The following WDR25 variants were observed in gnomAD, a reference collection of about 807,000 sequenced individuals.
The protein encoded by WDR25 is WD repeat-containing protein 25.
In WDR25, 35 loss-of-function variants were observed where a neutral mutation model predicts 47.7. The ratio of observed to expected loss-of-function variants is 0.73; its 90% CI spans 0.56 to 0.97. The LOEUF is 0.97. Among genes scored for constraint, WDR25 ranks in the 50% least tolerant of loss-of-function variants. The pLI, the probability that WDR25 is intolerant of heterozygous loss-of-function variation, is 0.00. For synonymous variants in WDR25, 248 were observed against 278.9 expected (o/e 0.89, Z 1.10); for missense variants, 634 against 704.7 (o/e 0.90, Z 1.14).
Position 100,404,717 on chromosome 14 carries a change from C to T in WDR25, c.822+22971C>T, listed in dbSNP as rs1264830133. 6.6e-6 allele frequency among the ~76,000 whole-genome samples: 1 copy of T among 152,132 alleles called. No individual in the cohort carries two copies. The highest frequency in any genetic ancestry group is 1.5e-5 in the Non-Finnish European group (1 of 68,002). The stretch of plus-strand genomic sequence containing the variant: ...TGCTGACTGGGAGATGCTGACCTGA[C>T]TCTGTTTCTCTAGGGCCATGATCCT... On this transcript the variant is annotated intron_variant, in intron 2 of 6. Transcript: ENST00000402312. This position sits in a 1 kb window ranked among gnomAD's most constrained non-coding sequence, Gnocchi z 4.6.
chr14:100,403,448 G>A (rs1897440343), intron 2 of WDR25, among the ~76,000 whole-genome samples: 1 of 152,254 alleles, frequency 6.6e-6, no homozygotes, highest in Non-Finnish European at 1.5e-5. Flanking sequence ...GGGCAGATTT[G>A]TGTTTGAGCC....
chr14:100,479,862 G>A (rs1243304664), intron 3 of WDR25, among the ~76,000 whole-genome samples: 2 of 152,060 alleles, frequency 1.3e-5, no homozygotes, highest in East Asian at 1.9e-4. Context: ...TCATACGAAC[G>A]GAGCCCTATT....
rs1900843475 is a variant in WDR25 at position 100,499,497 on chromosome 14, A to G, written c.1101+15373A>G. On this transcript the variant is annotated intron_variant, in intron 4 of 6. Coordinates refer to ENST00000402312, the MANE Select transcript of WDR25 (RefSeq NM_001161476.3). This position sits in a 1 kb window ranked among gnomAD's most constrained non-coding sequence, Gnocchi z 4.4. ...CGGAAACCACTGCCTGCTTCCTTCC[A>G]GAAGTGGAAGTGCCAGCTAACCCTG... 6.6e-6 allele frequency among the ~76,000 whole-genome samples: 1 copy of G among 152,228 alleles called. No homozygotes were observed. Among genetic ancestry groups the G allele is most frequent in the East Asian group, 1.9e-4 (1 of 5,202 alleles).
intron 2 of WDR25, among the ~76,000 whole-genome samples, chr14:100,408,523 G>GC (rs1207867734): frequency 6.6e-6 from 1 of 151,408 alleles, no homozygotes; most frequent in African/African-American, 2.4e-5. Context: ...CCCCCTCTGT[G>GC]CCCCCCTCCA....
intron 4 of WDR25, among the ~76,000 whole-genome samples, chr14:100,514,391 A>T (rs1901422581): frequency 6.6e-6 from 1 of 151,714 alleles, no homozygotes; most frequent in Non-Finnish European, 1.5e-5. Context: ...ATGATTATTG[A>T]TATGGTTGGG....
chr14:100,482,819 C>T lies in WDR25; in HGVS notation c.971-1175C>T, dbSNP rs144229536. Among the ~76,000 whole-genome samples, 321 of 152,324 alleles carry T rather than the reference C, an allele frequency of 2.1e-3. 4 individuals carry two copies. The highest frequency in any genetic ancestry group is 7.0e-3 in the African/African-American group (291 of 41,568). On this transcript the variant is annotated intron_variant, in intron 3 of 6. Coordinates refer to ENST00000402312, the MANE Select transcript of WDR25 (RefSeq NM_001161476.3). ...ACCTCGGTGTCTTCATGGTCTTCTT[C>T]GCCACCAGCTTCCCGTGTCCCTAAG...
At chr14:100,456,506 T>C (rs548419524) in intron 2 of WDR25, among the ~76,000 whole-genome samples, 1 of 152,234 alleles carries the variant, frequency 6.6e-6, no homozygotes, top group South Asian at 2.1e-4. Flanking sequence ...ATTACATATG[T>C]GCAAAAAGGT....
At chr14:100,426,710 C>T (rs1408637886) in intron 2 of WDR25, among the ~76,000 whole-genome samples, 1 of 152,176 alleles carries the variant, frequency 6.6e-6, no homozygotes, top group African/African-American at 2.4e-5. Context: ...ATCCATCTTT[C>T]CCATGGAAGA....
intron 2 of WDR25, among the ~76,000 whole-genome samples, chr14:100,383,128 T>C (rs2140140292): frequency 6.6e-6 from 1 of 152,354 alleles, no homozygotes; most frequent in African/African-American, 2.4e-5. Context: ...GGTGGCATTT[T>C]TAAGTGGCGA....
intron 2 of WDR25, among the ~76,000 whole-genome samples, chr14:100,413,293 T>A (rs1897763688): frequency 6.6e-6 from 1 of 152,212 alleles, no homozygotes; most frequent in South Asian, 2.1e-4. Context: ...TGACCCACAG[T>A]GTTCTGGGTA....
At chr14:100,526,417 C>T (rs553072154) in intron 5 of WDR25, among the ~76,000 whole-genome samples, 20 of 152,184 alleles carry the variant, frequency 1.3e-4, no homozygotes, top group South Asian at 1.0e-3. Context: ...TGATGTAGCC[C>T]AGGAGTTCAG....
rs149483006 is a variant in WDR25, at chr14:100,488,823, C to T, written c.1101+4699C>T. ...CATCTGTGACCTATCTCAGGGACAACGATCACTCTTGATCTGTGGGCACTT... is the reference window on the plus strand; with the variant it reads ...CATCTGTGACCTATCTCAGGGACAATGATCACTCTTGATCTGTGGGCACTT... On this transcript the variant is annotated intron_variant, in intron 4 of 6. Transcript: ENST00000402312. The surrounding 1 kb of genome is among the most constrained non-coding windows in gnomAD (Gnocchi z 4.2). 2.4e-3 allele frequency among the ~76,000 whole-genome samples: 362 copies of T among 152,330 alleles called. No individual in the cohort carries two copies. The highest frequency in any genetic ancestry group is 7.9e-3 in the African/African-American group (327 of 41,576).
chr14:100,460,565 T>C (rs763281106), intron 2 of WDR25, among the ~76,000 whole-genome samples: 1 of 152,176 alleles, frequency 6.6e-6, no homozygotes, highest in Non-Finnish European at 1.5e-5. Flanking sequence ...ATAATGTTAA[T>C]GACTAATTAT....
chr14:100,377,603 C>CG (rs1896744185), intron 1 of WDR25, among the ~76,000 whole-genome samples: 1 of 152,096 alleles, frequency 6.6e-6, no homozygotes, highest in Admixed American at 6.5e-5. Context: ...AGCCACCGCG[C>CG]CCGGTCGTTT....
intron 4 of WDR25, among the ~76,000 whole-genome samples, chr14:100,495,728 T>C (rs1900709154): frequency 6.6e-6 from 1 of 152,252 alleles, no homozygotes; most frequent in South Asian, 2.1e-4. Context: ...TTCCAGTTTG[T>C]TCAGCTTTTT....
chr14:100,384,428 C>T (rs921010989), intron 2 of WDR25, among the ~76,000 whole-genome samples: 1 of 152,088 alleles, frequency 6.6e-6, no homozygotes, highest in African/African-American at 2.4e-5. Context: ...TGGGAACCGG[C>T]GGGGAGCCAG....
Position 100,381,428 on chromosome 14 carries a change from A to T in WDR25, c.504A>T (p.Lys168Asn). ...ATGGCAGCTCTTTTCAGAAGAAAAA[A>T]TGTGAGGACTGTGTGGTACCCTATA... The part of the protein sequence containing the change: ...GKNGSSFQKK[K>N]CEDCVVPYTP... The change falls in exon 2 of 7, where the codon AAA becomes AAT. Residue 168 changes from lysine (K) to asparagine (N), a missense_variant. Coordinates refer to ENST00000402312, the MANE Select transcript of WDR25 (RefSeq NM_001161476.3). 1.9e-6 allele frequency: 3 copies of T among 1,614,204 alleles called. No homozygotes were observed. In the South Asian group the frequency reaches 3.3e-5, roughly 18 times the overall value.
intron 3 of WDR25, among the ~76,000 whole-genome samples, chr14:100,472,582 G>T (rs1899878963): frequency 6.6e-6 from 1 of 152,246 alleles, no homozygotes; most frequent in Non-Finnish European, 1.5e-5. Context: ...GATGGCCCTT[G>T]TTGGCAGGCC....
At chr14:100,515,974 G>T (rs1024959143) in intron 4 of WDR25, among the ~76,000 whole-genome samples, 2 of 150,268 alleles carry the variant, frequency 1.3e-5, no homozygotes, top group Non-Finnish European at 3.0e-5. Context: ...GTCACTCATG[G>T]GTCTGTTTCT....
Sources: gnomAD v4.1 joint callset for allele counts (sites outside exome capture counted in the v4.1 genomes callset) on GRCh38, gnomAD v4.1.1 for gene constraint, Gnocchi (gnomAD v3.1) non-coding constraint, MANE v1.5 for transcripts, NCBI Gene and HGNC (gene_info 2026-07-23, HGNC 2026-07-21) for gene names.